Variants in IRAG1 observed in about 807,000 individuals in gnomAD.
The protein encoded by IRAG1 is IP3R-associated cGMP kinase substrate.
Under a neutral mutation model 106.2 loss-of-function variants are expected in IRAG1, and 62 were observed. That is an observed-to-expected ratio of 0.58 (90% confidence interval 0.48 to 0.72). The LOEUF (loss-of-function observed/expected upper bound fraction) is 0.72. IRAG1 is among the 30% of genes least tolerant of loss of function. IRAG1 has a pLI of 0.00. For synonymous variants in IRAG1, 462 were observed against 443.9 expected, an observed-to-expected ratio of 1.04 and a Z score of -0.51; for missense variants, 1,064 against 1,140.7, an observed-to-expected ratio of 0.93 and a Z score of 0.97.
At position 10,659,959 on chromosome 11, in the gene IRAG1, G is replaced by C. The variant is rs576857559; in HGVS notation, c.68-7777C>G. The stretch of plus-strand genomic sequence containing the variant: ...GGTCAAGGACCACACGGCATTCTGG[G>C]TCTGTGAGATCCCATAAAGGGCAGG... On this transcript the variant is annotated intron_variant, in intron 1 of 20. Coordinates refer to ENST00000423302, the MANE Select transcript of IRAG1 (RefSeq NM_130385.4). This position sits in a 1 kb window ranked among gnomAD's most constrained non-coding sequence, Gnocchi z 4.1. Among the ~76,000 whole-genome samples the C allele has an allele frequency of 1.5e-4, 23 of 152,146 alleles. No individual in the cohort carries two copies. Among genetic ancestry groups the C allele is most frequent in the Non-Finnish European group, 2.9e-4 (20 of 68,030 alleles).
chr11:10,680,404 G>GGAAAGAAGGAAGGAAAGAAAGAAAGGAAA (rs1861122439), intron 1 of IRAG1, among the ~76,000 whole-genome samples: 1 of 82,090 alleles, frequency 1.2e-5, no homozygotes, highest in African/African-American at 5.9e-5. Flanking sequence ...AAGGAAGGAA[G>GGAAAGAAGGAAGGAAAGAAAGAAAGGAAA]GAAAGAAAGG....
At chr11:10,642,350 G>C (rs913678440) in intron 2 of IRAG1, among the ~76,000 whole-genome samples, 1 of 152,240 alleles carries the variant, frequency 6.6e-6, no homozygotes, top group African/African-American at 2.4e-5. Context: ...CCTGGGCACA[G>C]GGATAAATAT....
At chr11:10,591,498 A>G (rs1374956268) in intron 18 of IRAG1, 50 bp downstream of exon 18, 1 of 1,502,324 alleles carries the variant, frequency 6.7e-7, no homozygotes. Context: ...TAAAATGGGG[A>G]AAATTTCCTG....
intron 1 of IRAG1, among the ~76,000 whole-genome samples, chr11:10,670,835 C>T (rs1235265357): frequency 6.6e-6 from 1 of 152,170 alleles, no homozygotes; most frequent in African/African-American, 2.4e-5. Flanking sequence ...GAGAAGGTGG[C>T]CATCTATAAG....
intron 2 of IRAG1, among the ~76,000 whole-genome samples, chr11:10,644,454 A>C (rs903134623): frequency 3.3e-5 from 5 of 152,228 alleles, no homozygotes; most frequent in African/African-American, 7.2e-5. Flanking sequence ...ATAAGTAGAA[A>C]TGAACTCAGA....
rs201195156 is a variant in IRAG1, at chr11:10,581,974, A to G, written c.2253T>C (p.Asn751=). The G allele has an allele frequency of 5.0e-6, 8 of 1,613,388 alleles. No homozygotes were observed. In the East Asian group the frequency reaches 1.8e-4, roughly 36 times the overall value. Residue 751 remains asparagine, a synonymous_variant, in exon 19 of 21, where the codon AAT becomes AAC. Coordinates refer to ENST00000423302, the MANE Select transcript of IRAG1 (RefSeq NM_130385.4). ...CAGAGGCTTCACAATCTGGGTCCCCATTTGTCTTTCCACTAGTGAGAAGAG... is the reference window on the plus strand; with the variant it reads ...CAGAGGCTTCACAATCTGGGTCCCCGTTTGTCTTTCCACTAGTGAGAAGAG... The part of the protein sequence containing the change: ...LPALLENGKT[N]GDPDCEASAP...
intron 19 of IRAG1, among the ~76,000 whole-genome samples, chr11:10,581,650 C>T (rs1172972845): frequency 6.6e-6 from 1 of 152,052 alleles, no homozygotes; most frequent in Non-Finnish European, 1.5e-5. Context: ...AAAAAGAGGG[C>T]AGTCTTGTTA....
intron 14 of IRAG1, 123 bp downstream of exon 14, chr11:10,602,997 T>A: frequency 9.0e-7 from 1 of 1,107,188 alleles, no homozygotes; most frequent in South Asian, 1.5e-5. Context: ...ATGATGTGCA[T>A]AGGATGCCTG....
intron 2 of IRAG1, among the ~76,000 whole-genome samples, chr11:10,644,112 T>C (rs1857756030): frequency 6.6e-6 from 1 of 152,190 alleles, no homozygotes; most frequent in Non-Finnish European, 1.5e-5. Context: ...CTGTTTCCCA[T>C]GCATGGGGCC....
chr11:10,629,524 T>A lies in IRAG1; in HGVS notation c.574+14A>T, dbSNP rs1437030141. The A allele has an allele frequency of 6.2e-7, 1 of 1,609,786 alleles. No homozygotes were observed. Among genetic ancestry groups the A allele is most frequent in the Non-Finnish European group, 8.5e-7 (1 of 1,177,904 alleles). ...GGGGCTCAGGGCAGCCACCTGTACA[T>A]CCTGCCACCCTACCTGATGGGGAGT... On this transcript the variant is annotated intron_variant, in intron 5 of 20. Coordinates refer to ENST00000423302, the MANE Select transcript of IRAG1 (RefSeq NM_130385.4).
chr11:10,621,623 C>T (rs957984327), intron 10 of IRAG1, among the ~76,000 whole-genome samples: 11 of 152,200 alleles, frequency 7.2e-5, no homozygotes, highest in Non-Finnish European at 1.2e-4. Flanking sequence ...ATGGCCAAAC[C>T]ATGAGATTTG....
At chr11:10,622,299 C>T (rs993895381) in intron 10 of IRAG1, among the ~76,000 whole-genome samples, 2 of 151,998 alleles carry the variant, frequency 1.3e-5, no homozygotes, top group Admixed American at 6.6e-5. Flanking sequence ...GGAGATGCCG[C>T]GGGGACAGAG....
At position 10,576,098 on chromosome 11, in the gene IRAG1, G is replaced by A. The variant is rs971044618; in HGVS notation, c.*234C>T. On this transcript the variant is annotated 3_prime_UTR_variant, in exon 21 of 21. Coordinates refer to ENST00000423302, the MANE Select transcript of IRAG1 (RefSeq NM_130385.4). ...CTTCCAATAGAGTTCCTTGGTGAAG[G>A]TGACTTCTTCATCCACTGGATGCTT... 7.3e-6 allele frequency: 4 copies of A among 547,872 alleles called. No homozygotes were observed. The highest frequency in any genetic ancestry group is 2.2e-5 in the South Asian group (1 of 45,846). 33.9% of individuals were successfully genotyped at this position (547,872 alleles called of 1,614,324 possible). A position where few individuals can be genotyped will look rare whatever the true frequency, so the allele number is the denominator to read the frequency against.
chr11:10,657,057 G>A lies in IRAG1; in HGVS notation c.68-4875C>T, dbSNP rs1858981423. 1.3e-5 allele frequency among the ~76,000 whole-genome samples: 2 copies of A among 152,150 alleles called. No individual in the cohort carries two copies. Among genetic ancestry groups the A allele is most frequent in the African/African-American group, 2.4e-5 (1 of 41,434 alleles). ...GGTGGTAGCAGCAGGTGGAGGACGC[G>A]GAGGCCGGCCCTGCCTTGTAGGCTT... On this transcript the variant is annotated intron_variant, in intron 1 of 20. Coordinates refer to ENST00000423302, the MANE Select transcript of IRAG1 (RefSeq NM_130385.4). The surrounding 1 kb of genome is among the most constrained non-coding windows in gnomAD (Gnocchi z 4.1).
Position 10,624,964 on chromosome 11 carries a change from C to A in IRAG1, c.1368+1002G>T, listed in dbSNP as rs532443413. ...TGTGGCAACTCCTCTGGGCCCTGTG[C>A]TGTTTGATCCGCTAGTTAGTTGGGT... On this transcript the variant is annotated intron_variant, in intron 9 of 20. Transcript: ENST00000423302. Among the ~76,000 whole-genome samples, 7 of 152,318 alleles carry A rather than the reference C, an allele frequency of 4.6e-5. No homozygotes were observed. In the South Asian group the frequency reaches 1.5e-3, roughly 32 times the overall value.
chr11:10,676,652 G>A (rs1860702222), intron 1 of IRAG1, among the ~76,000 whole-genome samples: 2 of 152,200 alleles, frequency 1.3e-5, no homozygotes, highest in African/African-American at 4.8e-5. Context: ...CACCACACAG[G>A]AGAGGTCACC....
intron 2 of IRAG1, among the ~76,000 whole-genome samples, chr11:10,643,367 A>G (rs896945165): frequency 1.3e-5 from 2 of 152,080 alleles, no homozygotes; most frequent in Non-Finnish European, 2.9e-5. Context: ...TGTCTTCCCT[A>G]TAGGCCCTCC....
At chr11:10,581,334 C>G (rs898471191) in intron 19 of IRAG1, among the ~76,000 whole-genome samples, 1 of 152,160 alleles carries the variant, frequency 6.6e-6, no homozygotes, top group African/African-American at 2.4e-5. Context: ...AGGTGATTCT[C>G]TACCTTGAGG....
rs890298835 is a variant in IRAG1 at position 10,687,820 on chromosome 11, G to A, written c.67+5716C>T. The A allele has an allele frequency of 4.4e-5, 57 of 1,287,160 alleles. 1 individual carries two copies. The Middle Eastern group carries it at 6.4e-4, about 14-fold the overall frequency. The allele number at this position is 1,287,160 out of a possible 1,614,324, so 79.7% of individuals were successfully genotyped here. A position where few individuals can be genotyped will look rare whatever the true frequency, so the allele number is the denominator to read the frequency against. On this transcript the variant is annotated intron_variant, in intron 1 of 20. Transcript: ENST00000423302. Reference sequence around the variant, plus strand: ...GGGGCTAGAAATAATAAGACCTAATGTATACCGAGTGCTAAGAATAGACAG... The same window carrying A: ...GGGGCTAGAAATAATAAGACCTAATATATACCGAGTGCTAAGAATAGACAG...
Sources: allele counts gnomAD v4.1 joint callset (sites outside exome capture counted in the v4.1 genomes callset), GRCh38; gene constraint gnomAD v4.1.1; non-coding constraint Gnocchi (gnomAD v3.1); transcripts MANE v1.5; gene names NCBI Gene and HGNC (gene_info 2026-07-23, HGNC 2026-07-21).